FGGY: variants seen among roughly 807,000 people sequenced by gnomAD.
FGGY encodes the protein FGGY carbohydrate kinase domain containing, also known as FGGY carbohydrate kinase domain-containing protein.
In FGGY, 72 loss-of-function variants were observed where a neutral mutation model predicts 71.3. That is an observed-to-expected ratio of 1.01 (90% CI 0.84 to 1.23). FGGY has a LOEUF of 1.23. FGGY is among the 50% of genes most tolerant of loss of function. The probability of loss-of-function intolerance (pLI) is 0.00; values close to 1 mark genes in which losing one functional copy is unlikely to be tolerated. For synonymous variants in FGGY, 251 were observed against 250.3 expected (o/e 1.00, Z -0.02); for missense variants, 668 against 682.3 (o/e 0.98, Z 0.23).
chr1:59,379,397 G>A (rs1015945429), intron 5 of FGGY, among the ~76,000 whole-genome samples: 2 of 152,072 alleles, frequency 1.3e-5, no homozygotes, highest in African/African-American at 4.8e-5. Flanking sequence ...GTAGGCCATT[G>A]TGCACAGTGG....
intron 4 of FGGY, among the ~76,000 whole-genome samples, chr1:59,357,402 T>C (rs1017770376): frequency 6.6e-6 from 1 of 152,214 alleles, no homozygotes; most frequent in Non-Finnish European, 1.5e-5. Context: ...ATTTCCTTTA[T>C]ATGATCTATG....
At chr1:59,753,459 T>G (rs1389164582) in intron 14 of FGGY, among the ~76,000 whole-genome samples, 1 of 115,502 alleles carries the variant, frequency 8.7e-6, no homozygotes, top group South Asian at 3.0e-4. Context: ...TTTATAAGCA[T>G]AACTTTAAAT....
chr1:59,715,563 A>T (rs933633245), intron 14 of FGGY, among the ~76,000 whole-genome samples: 1 of 152,240 alleles, frequency 6.6e-6, no homozygotes, highest in Admixed American at 6.5e-5. Context: ...TACTGGTTTT[A>T]GAGTCAGTCA....
chr1:59,473,128 T>G (rs903374019), intron 6 of FGGY, among the ~76,000 whole-genome samples: 2 of 152,138 alleles, frequency 1.3e-5, no homozygotes, highest in Non-Finnish European at 2.9e-5. Flanking sequence ...TCTTTCTCTC[T>G]TTGCAATAAA....
Position 59,560,676 on chromosome 1 carries a change from A to G in FGGY, c.903+6449A>G, listed in dbSNP as rs191792379. 3.5e-3 allele frequency among the ~76,000 whole-genome samples: 527 copies of G among 152,186 alleles called. 2 individuals carry two copies. The highest frequency in any genetic ancestry group is 0.012 in the African/African-American group (502 of 41,534). ...TGGCTAAGTGCTAAAAGTCTTCATA[A>G]GATAAAATGTCATGCCTGCCTTCAA... On this transcript the variant is annotated intron_variant, in intron 8 of 15. Coordinates refer to ENST00000303721, the MANE Select transcript of FGGY (RefSeq NM_018291.5).
chr1:59,321,341 G>C (rs2046346319), intron 1 of FGGY, among the ~76,000 whole-genome samples, 195 bp from the exon 2 acceptor site: 1 of 152,134 alleles, frequency 6.6e-6, no homozygotes, highest in African/African-American at 2.4e-5. Flanking sequence ...GGCCATATCT[G>C]TGCTGTTCAC....
chr1:59,298,968 G>T (rs940705981), intron 1 of FGGY, among the ~76,000 whole-genome samples: 2 of 152,194 alleles, frequency 1.3e-5, no homozygotes, highest in Non-Finnish European at 2.9e-5. Context: ...AGTAAGACTT[G>T]GTCTCTGCTT....
At chr1:59,615,720 T>C (rs2153829073) in intron 9 of FGGY, among the ~76,000 whole-genome samples, 1 of 152,212 alleles carries the variant, frequency 6.6e-6, no homozygotes, top group African/African-American at 2.4e-5. Context: ...GCCTACAGAA[T>C]GGGAGAAAAT....
intron 14 of FGGY, among the ~76,000 whole-genome samples, chr1:59,714,765 TAAC>T (rs1418916199): frequency 6.6e-6 from 1 of 151,976 alleles, no homozygotes; most frequent in African/African-American, 2.4e-5. Flanking sequence ...GAGAGAGAAA[TAAC>T]AAGTCAAATA....
intron 5 of FGGY, among the ~76,000 whole-genome samples, chr1:59,417,211 G>A (rs1003536116): frequency 6.6e-6 from 1 of 151,980 alleles, no homozygotes; most frequent in Admixed American, 6.6e-5. Flanking sequence ...CTTTCACTTG[G>A]CATAATTTTT....
At chr1:59,416,055 A>G (rs2064356095) in intron 5 of FGGY, among the ~76,000 whole-genome samples, 1 of 152,236 alleles carries the variant, frequency 6.6e-6, no homozygotes, top group African/African-American at 2.4e-5. Flanking sequence ...GATCTGTACA[A>G]CTATGACAGG....
At chr1:59,523,890 G>T (rs2094903441) in intron 7 of FGGY, among the ~76,000 whole-genome samples, 1 of 152,244 alleles carries the variant, frequency 6.6e-6, no homozygotes, top group Admixed American at 6.5e-5. Flanking sequence ...CCACTGCGAA[G>T]ATGCTGGCTG....
intron 5 of FGGY, among the ~76,000 whole-genome samples, chr1:59,396,672 G>A (rs769872697): frequency 7.2e-5 from 11 of 152,156 alleles, no homozygotes; most frequent in Non-Finnish European, 1.5e-4. Flanking sequence ...ACTGGACTTG[G>A]AATCCCAGTT....
At chr1:59,593,202 G>A (rs2096477959) in intron 8 of FGGY, among the ~76,000 whole-genome samples, 1 of 152,218 alleles carries the variant, frequency 6.6e-6, no homozygotes, top group African/African-American at 2.4e-5. Context: ...AAACAGAAAT[G>A]AACCACTGTG....
chr1:59,548,732 A>G (rs770927264), intron 7 of FGGY, among the ~76,000 whole-genome samples: 8 of 152,214 alleles, frequency 5.3e-5, no homozygotes, highest in Non-Finnish European at 1.2e-4. Flanking sequence ...TGTACTAGCC[A>G]CATTTTCAGG....
intron 8 of FGGY, among the ~76,000 whole-genome samples, chr1:59,567,937 T>C (rs1438544012): frequency 6.6e-6 from 1 of 151,550 alleles, no homozygotes; most frequent in African/African-American, 2.4e-5. Context: ...CATTCCGTGC[T>C]ATCCCTCACC....
intron 9 of FGGY, among the ~76,000 whole-genome samples, chr1:59,621,760 T>C (rs891969738): frequency 1.3e-5 from 2 of 152,058 alleles, no homozygotes; most frequent in African/African-American, 4.8e-5. Flanking sequence ...AATTTTCTCT[T>C]AATCTTTGGC....
intron 7 of FGGY, among the ~76,000 whole-genome samples, chr1:59,530,823 T>C (rs887154270): frequency 1.3e-5 from 2 of 152,160 alleles, no homozygotes; most frequent in African/African-American, 2.4e-5. Context: ...GACAAAGTTT[T>C]TGAGGGCCTT....
At chr1:59,324,896 A>C (rs2047104414) in intron 2 of FGGY, among the ~76,000 whole-genome samples, 2 of 152,222 alleles carry the variant, frequency 1.3e-5, no homozygotes, top group South Asian at 4.1e-4. Context: ...GTGCCCCCTC[A>C]GCAGGGGTTA....
Sources: gnomAD v4.1 joint callset for allele counts (sites outside exome capture counted in the v4.1 genomes callset) on GRCh38, gnomAD v4.1.1 for gene constraint, MANE v1.5 for transcripts, NCBI Gene and HGNC (gene_info 2026-07-23, HGNC 2026-07-21) for gene names.